TMEM255B: variants seen among roughly 807,000 people sequenced by gnomAD.
TMEM255B encodes transmembrane protein 255B.
In TMEM255B, 35 loss-of-function variants were observed where a neutral mutation model predicts 34.5. The observed-to-expected ratio is 1.01, with a 90% CI of 0.77 to 1.34. The LOEUF (loss-of-function observed/expected upper bound fraction) is 1.34, where lower values mean the gene tolerates loss of function less well. TMEM255B is among the 40% of genes most tolerant of loss of function. The pLI is 0.00. For synonymous variants in TMEM255B, 206 were observed against 201.2 expected (o/e 1.02, Z -0.20); for missense variants, 432 against 433.2 (o/e 1.00, Z 0.02).
chr13:113,769,000 A>C (rs1196461742), intron 2 of TMEM255B, 98 bp from the exon 3 acceptor site: 2 of 1,384,956 alleles, frequency 1.4e-6, no homozygotes, highest in African/African-American at 2.8e-5. Context: ...TCCCTGGATA[A>C]AATGCCTTTG....
chr13:113,785,232 G>T (rs2050723248), intron 3 of TMEM255B, among the ~76,000 whole-genome samples: 2 of 152,254 alleles, frequency 1.3e-5, no homozygotes, highest in African/African-American at 4.8e-5. Context: ...CCAAGATGGT[G>T]ATGCCCCTGC....
At chr13:113,776,560 C>T (rs1461335838) in intron 3 of TMEM255B, among the ~76,000 whole-genome samples, 1 of 152,226 alleles carries the variant, frequency 6.6e-6, no homozygotes. Flanking sequence ...TGGCTCCGTC[C>T]CACGGCCACA....
At chr13:113,811,089 C>T (rs1350401843) in intron 8 of TMEM255B, among the ~76,000 whole-genome samples, 1 of 152,048 alleles carries the variant, frequency 6.6e-6, no homozygotes, top group African/African-American at 2.4e-5. Context: ...GCCCCGGCCA[C>T]CCTCTCCTGT....
chr13:113,781,216 AAG>A (rs1447391718), intron 3 of TMEM255B, among the ~76,000 whole-genome samples: 1 of 152,230 alleles, frequency 6.6e-6, no homozygotes, highest in Non-Finnish European at 1.5e-5. Flanking sequence ...CTAGTGCTCT[AAG>A]AGAAACCCAT....
At position 113,801,004 on chromosome 13, in the gene TMEM255B, G is replaced by A. The variant is rs982153909; in HGVS notation, c.509+92G>A. 1.0e-3 allele frequency: 1,303 copies of A among 1,249,352 alleles called. 23 individuals are homozygous for A. The South Asian group carries it at 0.017, about 17-fold the overall frequency. 77.4% of individuals were successfully genotyped at this position (1,249,352 alleles called of 1,614,324 possible). A position where few individuals can be genotyped will look rare whatever the true frequency, so the allele number is the denominator to read the frequency against. On this transcript the variant is annotated intron_variant, in intron 6 of 8. Transcript: ENST00000375353. The stretch of plus-strand genomic sequence containing the variant: ...TCTACACCTGCGGGAGGTGAGGGGC[G>A]CTGGGGACCCCTATATCTACACCTG...
At chr13:113,782,677 G>C (rs562456162) in intron 3 of TMEM255B, among the ~76,000 whole-genome samples, 13 of 150,228 alleles carry the variant, frequency 8.7e-5, no homozygotes, top group South Asian at 2.1e-4. Context: ...ATGGTCGGAG[G>C]GGGGGGCTTC....
At chr13:113,807,312 C>T (rs1262466410) in intron 8 of TMEM255B, among the ~76,000 whole-genome samples, 25 of 151,036 alleles carry the variant, frequency 1.7e-4, no homozygotes, top group African/African-American at 6.1e-4. Flanking sequence ...GTGGTCCTCC[C>T]TGTCACACGC....
chr13:113,775,956 C>T (rs557235244), intron 3 of TMEM255B, among the ~76,000 whole-genome samples: 8 of 152,336 alleles, frequency 5.3e-5, no homozygotes, highest in East Asian at 1.9e-4. Context: ...CCTGTGGCAT[C>T]GGCAGGTCTC....
rs74118482 is a variant in TMEM255B, at chr13:113,799,581, A to G, written c.423+162A>G. 10,883 of 666,384 alleles carry G rather than the reference A, an allele frequency of 0.016. 776 individuals carry two copies. The African/African-American group carries it at 0.17, about 10-fold the overall frequency. The allele number at this position is 666,384 out of a possible 1,614,324, so 41.3% of individuals were successfully genotyped here. Reference sequence around the variant, plus strand: ...ACCGTTGATGCCCCCTGTGTTTGGGACCTTGACATTTCGATGTGCTGTATT... The same window carrying G: ...ACCGTTGATGCCCCCTGTGTTTGGGGCCTTGACATTTCGATGTGCTGTATT... On this transcript the variant is annotated intron_variant, in intron 5 of 8. Transcript: ENST00000375353.
chr13:113,801,793 TG>T lies in TMEM255B; in HGVS notation c.655del (p.Ala219ProfsTer37). On this transcript the variant is annotated frameshift_variant, in exon 7 of 9. Coordinates refer to ENST00000375353, the MANE Select transcript of TMEM255B (RefSeq NM_182614.4). LOFTEE classifies it high-confidence loss of function. ...LFLGIITAAVLGAFKDMVPLS... is the reference protein window; with the variant it reads ...LFLGIITAAVXGAFKDMVPLS... ...CTGGGCATCATCACCGCCGCCGTCCTGGGGGCCTTCAAGGACATGGTGAGGC... is the reference window on the plus strand; with the variant it reads ...CTGGGCATCATCACCGCCGCCGTCCTGGGGCCTTCAAGGACATGGTGAGGC... 1 of 1,609,898 alleles carries T rather than the reference TG, an allele frequency of 6.2e-7. No homozygotes were observed. Among genetic ancestry groups the T allele is most frequent in the Non-Finnish European group, 8.5e-7 (1 of 1,178,136 alleles).
rs11618382 is a variant in TMEM255B, at chr13:113,816,701, C to T, written c.*4798C>T. ...GAGGCAGAAGAGGATTCCACGAGGC[C>T]GGGGCCCGTCAGCAGATCCTCAGAC... On this transcript the variant is annotated 3_prime_UTR_variant, in exon 9 of 9. Coordinates refer to ENST00000375353, the MANE Select transcript of TMEM255B (RefSeq NM_182614.4). The T allele has an allele frequency of 0.15, 22,087 of 152,212 alleles. 1,652 individuals are homozygous for T. Among genetic ancestry groups the T allele is most frequent in the Middle Eastern group, 0.23 (69 of 294 alleles). 9.4% of individuals were successfully genotyped at this position (152,212 alleles called of 1,614,324 possible).
intron 3 of TMEM255B, among the ~76,000 whole-genome samples, chr13:113,776,010 CG>C (rs2050571337): frequency 6.6e-6 from 1 of 152,190 alleles, no homozygotes; most frequent in Admixed American, 6.5e-5. Context: ...CTGAGTCTTC[CG>C]GGCCGCCCCT....
rs139821544 is a variant in TMEM255B at position 113,811,846 on chromosome 13, G to C, written c.924G>C (p.Pro308=). ...SGSGLPGQAP[P]CYAPTYFPPG... The stretch of plus-strand genomic sequence containing the variant: ...CTGGGCTTCCCGGCCAGGCTCCACC[G>C]TGCTACGCACCCACCTACTTTCCCC... The change falls in exon 9 of 9, where the codon CCG becomes CCC. Residue 308 remains proline, a synonymous_variant. Coordinates refer to ENST00000375353, the MANE Select transcript of TMEM255B (RefSeq NM_182614.4). The C allele has an allele frequency of 9.5e-5, 153 of 1,613,750 alleles. 1 individual carries two copies. The highest frequency in any genetic ancestry group is 6.6e-4 in the Middle Eastern group (4 of 6,080).
intron 8 of TMEM255B, among the ~76,000 whole-genome samples, chr13:113,807,167 G>A (rs1468874812): frequency 6.6e-6 from 1 of 152,230 alleles, no homozygotes; most frequent in East Asian, 1.9e-4. Context: ...GGACCTTGGA[G>A]ACAGTGAGGC....
At position 113,812,243 on chromosome 13, in the gene TMEM255B, A is replaced by G. The variant is rs9577877; in HGVS notation, c.*340A>G. On this transcript the variant is annotated 3_prime_UTR_variant, in exon 9 of 9. Coordinates refer to ENST00000375353, the MANE Select transcript of TMEM255B (RefSeq NM_182614.4). Reference sequence around the variant, plus strand: ...TATTATGATTTTGCAAAGACAGTGCAGCCCCGGCCTCCCTGCCTGTGTGTT... The same window carrying G: ...TATTATGATTTTGCAAAGACAGTGCGGCCCCGGCCTCCCTGCCTGTGTGTT... 0.082 allele frequency: 26,537 copies of G among 322,798 alleles called. 1,310 individuals carry two copies. Among genetic ancestry groups the G allele is most frequent in the Admixed American group, 0.15 (3,138 of 21,312 alleles). 20.0% of individuals were successfully genotyped at this position (322,798 alleles called of 1,614,324 possible). A position where few individuals can be genotyped will look rare whatever the true frequency, so the allele number is the denominator to read the frequency against.
chr13:113,765,353 C>T (rs891394150), intron 1 of TMEM255B, among the ~76,000 whole-genome samples: 1 of 152,212 alleles, frequency 6.6e-6, no homozygotes, highest in Admixed American at 6.5e-5. Flanking sequence ...CCATTGAGCT[C>T]TGCTGATGGG....
At chr13:113,785,349 A>G (rs1013927850) in intron 3 of TMEM255B, among the ~76,000 whole-genome samples, 11 of 152,214 alleles carry the variant, frequency 7.2e-5, no homozygotes, top group Admixed American at 2.0e-4. Flanking sequence ...TTCTAATACC[A>G]TGACAGAGGT....
intron 5 of TMEM255B, among the ~76,000 whole-genome samples, chr13:113,800,272 CTGTG>C (rs1260363422): frequency 1.8e-5 from 2 of 108,572 alleles, no homozygotes; most frequent in Admixed American, 9.7e-5. Context: ...TGGAGGTGTC[CTGTG>C]TGTGTGTGTC....
At position 113,804,862 on chromosome 13, in the gene TMEM255B, C is replaced by T. The variant is rs567001860; in HGVS notation, c.670-23C>T. ...CCTCCACTAGGGGGTACACGCCGAC[C>T]ACCCGTCTCCTCTCCATGGCAGGTG... On this transcript the variant is annotated intron_variant, in intron 7 of 8. Transcript: ENST00000375353. 20 of 1,583,986 alleles carry T rather than the reference C, an allele frequency of 1.3e-5. 1 individual carries two copies. Among genetic ancestry groups the T allele is most frequent in the Non-Finnish European group, 1.5e-5 (18 of 1,170,390 alleles).
Sources: gnomAD v4.1 joint callset for allele counts (sites outside exome capture counted in the v4.1 genomes callset) on GRCh38, gnomAD v4.1.1 for gene constraint, MANE v1.5 for transcripts, NCBI Gene and HGNC (gene_info 2026-07-23, HGNC 2026-07-21) for gene names.